MGAT4C: variants seen among roughly 807,000 people sequenced by gnomAD.
The protein encoded by MGAT4C is MGAT4 family member C, also known as alpha-1,3-mannosyl-glycoprotein 4-beta-N-acetylglucosaminyltransferase C.
In MGAT4C, 19 loss-of-function variants were observed where a neutral mutation model predicts 40.1. That is an observed-to-expected ratio of 0.47 (90% CI 0.33 to 0.70). MGAT4C has a LOEUF of 0.70. Among genes scored for constraint, MGAT4C ranks in the 30% least tolerant of loss-of-function variants. The pLI is 0.02. For synonymous variants in MGAT4C, 181 were observed against 187.1 expected (o/e 0.97, Z 0.27); for missense variants, 491 against 563.2 (o/e 0.87, Z 1.30).
intron 2 of MGAT4C, among the ~76,000 whole-genome samples, chr12:86,696,027 T>A (rs2136605600): frequency 6.6e-6 from 1 of 151,874 alleles, no homozygotes; most frequent in East Asian, 1.9e-4. Context: ...CTGGCCAACA[T>A]GGTGAAACCC....
intron 3 of MGAT4C, among the ~76,000 whole-genome samples, chr12:86,362,279 T>C (rs760261631): frequency 2.0e-5 from 3 of 152,116 alleles, no homozygotes; most frequent in Non-Finnish European, 2.9e-5. Context: ...TAGGTGTGAA[T>C]TGAACAATGA....
At chr12:86,773,216 G>T (rs1349060281) in intron 1 of MGAT4C, among the ~76,000 whole-genome samples, 2 of 152,094 alleles carry the variant, frequency 1.3e-5, no homozygotes, top group Non-Finnish European at 2.9e-5. Flanking sequence ...CTTAAAATGA[G>T]CTCATTAAAG....
At chr12:86,486,751 C>A (rs1230107361) in intron 2 of MGAT4C, among the ~76,000 whole-genome samples, 2 of 152,308 alleles carry the variant, frequency 1.3e-5, no homozygotes, top group Non-Finnish European at 2.9e-5. Flanking sequence ...AGAGAATACT[C>A]CACACAACAA....
At chr12:86,109,271 C>G (rs757620533) in intron 1 of MGAT4C, among the ~76,000 whole-genome samples, 1 of 152,120 alleles carries the variant, frequency 6.6e-6, no homozygotes, top group Non-Finnish European at 1.5e-5. Flanking sequence ...TAGGTCTCCT[C>G]TTTTTGTGGA....
intron 4 of MGAT4C, among the ~76,000 whole-genome samples, chr12:86,277,016 T>C (rs1190443706): frequency 6.6e-6 from 1 of 152,190 alleles, no homozygotes; most frequent in African/African-American, 2.4e-5. Flanking sequence ...CGAACTGTTC[T>C]CCCTAGTGGT....
chr12:86,145,435 A>G (rs920291263), intron 1 of MGAT4C, among the ~76,000 whole-genome samples: 2 of 152,150 alleles, frequency 1.3e-5, no homozygotes, highest in Non-Finnish European at 2.9e-5. Flanking sequence ...TAAGCAACAT[A>G]ATTACCAACA....
At chr12:86,117,047 T>A (rs555726275) in intron 1 of MGAT4C, among the ~76,000 whole-genome samples, 1 of 152,122 alleles carries the variant, frequency 6.6e-6, no homozygotes, top group Admixed American at 6.6e-5. Context: ...TTTGATAATA[T>A]CTTATTATAC....
At chr12:86,431,828 C>G (rs1263329073) in intron 3 of MGAT4C, among the ~76,000 whole-genome samples, 1 of 152,118 alleles carries the variant, frequency 6.6e-6, no homozygotes, top group African/African-American at 2.4e-5. Context: ...AAAGTTTCAT[C>G]TGTATCCATA....
intron 2 of MGAT4C, among the ~76,000 whole-genome samples, chr12:86,498,186 A>G (rs1428675240): frequency 1.3e-5 from 2 of 150,992 alleles, no homozygotes; most frequent in African/African-American, 2.4e-5. Context: ...TCTCATTTGT[A>G]TATTCTATTT....
chr12:86,699,855 AGAG>A (rs1383278060), intron 2 of MGAT4C, among the ~76,000 whole-genome samples: 1 of 152,030 alleles, frequency 6.6e-6, no homozygotes, highest in African/African-American at 2.4e-5. Flanking sequence ...AGTAGACTGA[AGAG>A]GAGGAGAAAA....
At chr12:85,987,384 G>C (rs974525147) in intron 3 of MGAT4C, among the ~76,000 whole-genome samples, 5 of 151,668 alleles carry the variant, frequency 3.3e-5, no homozygotes, top group Admixed American at 2.0e-4. Context: ...TGATCCGCCC[G>C]CCTCGGCCTC....
At chr12:86,743,116 A>ATGTGTGTGTGTGTG (rs60215418) in intron 1 of MGAT4C, among the ~76,000 whole-genome samples, 2 of 144,582 alleles carry the variant, frequency 1.4e-5, no homozygotes, top group African/African-American at 5.1e-5. Context: ...GTGTGTATGC[A>ATGTGTGTGTGTGTG]TGTGTGTGTG....
chr12:86,161,170 CAT>C (rs928320724), intron 1 of MGAT4C, among the ~76,000 whole-genome samples: 6 of 151,994 alleles, frequency 3.9e-5, no homozygotes, highest in Non-Finnish European at 7.4e-5. Context: ...CCAAAATTCA[CAT>C]GTCACCAAAA....
At chr12:86,120,685 G>A (rs1447311567) in intron 1 of MGAT4C, among the ~76,000 whole-genome samples, 1 of 152,200 alleles carries the variant, frequency 6.6e-6, no homozygotes, top group Non-Finnish European at 1.5e-5. Flanking sequence ...GATCCTGACT[G>A]TTAGAAGGAA....
chr12:86,011,008 G>A (rs1425362714), intron 2 of MGAT4C, among the ~76,000 whole-genome samples: 2 of 152,094 alleles, frequency 1.3e-5, no homozygotes, highest in African/African-American at 4.8e-5. Flanking sequence ...CCTGATATTG[G>A]ACTTCCCAGA....
chr12:86,641,744 T>A (rs561139603), intron 2 of MGAT4C, among the ~76,000 whole-genome samples: 1 of 151,744 alleles, frequency 6.6e-6, no homozygotes, highest in African/African-American at 2.4e-5. Context: ...GAACATCTGA[T>A]GAAAGCAAAG....
intron 1 of MGAT4C, among the ~76,000 whole-genome samples, chr12:86,212,399 G>A (rs61949005): frequency 0.073 from 11,166 of 151,988 alleles, 577 homozygotes; most frequent in Middle Eastern, 0.23. Flanking sequence ...ATGAAGAGGA[G>A]GAAAATATAG....
intron 2 of MGAT4C, among the ~76,000 whole-genome samples, chr12:86,451,836 A>G (rs932970834): frequency 3.9e-5 from 6 of 152,140 alleles, no homozygotes; most frequent in African/African-American, 1.4e-4. Context: ...TTTCAGTGCT[A>G]GGGTTTTCAC....
At chr12:86,717,886 T>G (rs1950672217) in intron 2 of MGAT4C, among the ~76,000 whole-genome samples, 1 of 152,208 alleles carries the variant, frequency 6.6e-6, no homozygotes, top group Non-Finnish European at 1.5e-5. Context: ...TTAGGAAATT[T>G]GATATAAATT....
Sources: allele counts gnomAD v4.1 joint callset (sites outside exome capture counted in the v4.1 genomes callset), GRCh38; gene constraint gnomAD v4.1.1; transcripts MANE v1.5; gene names NCBI Gene and HGNC (gene_info 2026-07-23, HGNC 2026-07-21).